Variants in AP1G1 observed in about 807,000 individuals in gnomAD.
AP1G1 encodes the protein AP-1 complex subunit gamma-1.
A neutral mutation model predicts 108.3 loss-of-function variants in AP1G1; 7 were observed. The ratio of observed to expected loss-of-function variants is 0.06; its 90% CI spans 0.04 to 0.12. The LOEUF (loss-of-function observed/expected upper bound fraction) is 0.12. AP1G1 is among the 10% of genes least tolerant of loss of function. AP1G1 has a pLI of 1.00. For synonymous variants in AP1G1, 379 were observed against 353.5 expected (o/e 1.07, Z -0.81); for missense variants, 756 against 1,010.7 (o/e 0.75, Z 3.42).
At chr16:71,761,861 T>C (rs1268235042) in intron 9 of AP1G1, among the ~76,000 whole-genome samples, 1 of 144,036 alleles carries the variant, frequency 6.9e-6, no homozygotes, top group Non-Finnish European at 1.5e-5. Flanking sequence ...AAAGGCAAAC[T>C]CTTAAAATCA....
chr16:71,778,941 GGAGTACTACTACTC>G (rs2031896434), intron 2 of AP1G1, among the ~76,000 whole-genome samples: 2 of 152,182 alleles, frequency 1.3e-5, no homozygotes. Flanking sequence ...ATATTTCAAT[GGAGTACTACTACTC>G]CACTTAAAGC....
chr16:71,769,684 G>A lies in AP1G1; in HGVS notation c.581C>T (p.Ser194Phe), dbSNP rs1325706581. Residue 194 changes from serine (S) to phenylalanine (F), a missense_variant, in exon 6 of 23, where the codon TCT becomes TTT. Ser to Phe is a radical substitution (Grantham distance 155, BLOSUM62 -2). Transcript: ENST00000299980. ...ACACATTTCTGTGAGGAGGACTACA[G>A]ATGTGTGGAGGACACCTGAAAGAAA... is the stretch of plus-strand genomic sequence containing the variant. ...NEKNHGVLHTSVVLLTEMCER... is the reference protein window; with the variant it reads ...NEKNHGVLHTFVVLLTEMCER... 2 of 1,613,340 alleles carry A rather than the reference G, an allele frequency of 1.2e-6. No individual in the cohort carries two copies. Among genetic ancestry groups the A allele is most frequent in the Admixed American group, 3.3e-5 (2 of 60,020 alleles).
chr16:71,745,310 T>C (rs955899558), intron 18 of AP1G1, 40 bp from the exon 19 acceptor site: 6 of 1,612,840 alleles, frequency 3.7e-6, no homozygotes, highest in Non-Finnish European at 5.1e-6. Flanking sequence ...TATTATTTGA[T>C]TTGTCTAGTA....
chr16:71,807,347 G>A (rs1036555875), intron 1 of AP1G1, among the ~76,000 whole-genome samples: 22 of 152,228 alleles, frequency 1.4e-4, no homozygotes, highest in African/African-American at 5.3e-4. Flanking sequence ...CAGGAGAACT[G>A]CTTGAACCCG....
chr16:71,750,413 GT>G lies in AP1G1; in HGVS notation c.1285-82del, dbSNP rs2030422605. Reference sequence around the variant, plus strand: ...GTGTTAGCTATTATTATTACTGTGTGTTTTTTCCTTTCTTTTTTTGAGACAG... The same window carrying G: ...GTGTTAGCTATTATTATTACTGTGTGTTTTTCCTTTCTTTTTTTGAGACAG... On this transcript the variant is annotated intron_variant, in intron 13 of 22. Coordinates refer to ENST00000299980, the MANE Select transcript of AP1G1 (RefSeq NM_001128.6). The G allele has an allele frequency of 1.9e-5, 30 of 1,538,912 alleles. No individual in the cohort carries two copies. The Admixed American group carries it at 3.6e-4, about 18-fold the overall frequency.
intron 21 of AP1G1, among the ~76,000 whole-genome samples, chr16:71,738,389 T>A (rs2045576641): frequency 1.3e-5 from 2 of 152,146 alleles, no homozygotes; most frequent in Non-Finnish European, 2.9e-5. Flanking sequence ...TAAATGAACA[T>A]AAATATCCTT....
rs754919461 is a variant in AP1G1, at chr16:71,732,017, A to G, written c.*1041T>C. 6.6e-6 allele frequency: 1 copy of G among 152,606 alleles called. No individual in the cohort carries two copies. The highest frequency in any genetic ancestry group is 1.5e-5 in the Non-Finnish European group (1 of 68,042). 9.5% of individuals were successfully genotyped at this position (152,606 alleles called of 1,614,324 possible). ...TAAAAAGGGAGGTTTGGAGTAATAG[A>G]TAAGATGACTCCAATACTCACTCTT... On this transcript the variant is annotated 3_prime_UTR_variant, in exon 23 of 23. Coordinates refer to ENST00000299980, the MANE Select transcript of AP1G1 (RefSeq NM_001128.6).
chr16:71,743,946 A>T, intron 19 of AP1G1, among the ~76,000 whole-genome samples: 1 of 44,042 alleles, frequency 2.3e-5, no homozygotes, highest in Admixed American at 2.8e-4. Context: ...ACTCTGTCTC[A>T]AAAAAAAAAA....
intron 10 of AP1G1, 71 bp downstream of exon 10, chr16:71,761,441 T>C: frequency 9.1e-7 from 1 of 1,095,476 alleles, no homozygotes; most frequent in Admixed American, 1.8e-5. Flanking sequence ...ATGTATGATC[T>C]TGAGCAGAAT....
intron 2 of AP1G1, among the ~76,000 whole-genome samples, chr16:71,779,065 C>A (rs564052097): frequency 6.6e-6 from 1 of 152,154 alleles, no homozygotes; most frequent in African/African-American, 2.4e-5. Context: ...AAATTCCACA[C>A]AATTAATGGA....
At chr16:71,741,716 A>T (rs1371856493) in intron 19 of AP1G1, among the ~76,000 whole-genome samples, 1 of 152,234 alleles carries the variant, frequency 6.6e-6, no homozygotes, top group East Asian at 1.9e-4. Context: ...AATGAAGCAG[A>T]CAAAGAAATA....
intron 4 of AP1G1, among the ~76,000 whole-genome samples, chr16:71,772,290 G>C (rs1395318905): frequency 6.6e-6 from 1 of 152,004 alleles, no homozygotes; most frequent in African/African-American, 2.4e-5. Flanking sequence ...ACCACGCCCG[G>C]CTAATTTTTT....
intron 6 of AP1G1, chr16:71,766,572 G>C: frequency 3.1e-6 from 1 of 324,216 alleles, no homozygotes; most frequent in South Asian, 2.5e-5. Context: ...AAGTTAAATA[G>C]TGTGCAAAGT....
At chr16:71,793,105 T>C (rs2032463244) in intron 1 of AP1G1, among the ~76,000 whole-genome samples, 1 of 152,022 alleles carries the variant, frequency 6.6e-6, no homozygotes, top group Non-Finnish European at 1.5e-5. Context: ...GGAGTGAGGC[T>C]GCAGTGAGCT....
intron 2 of AP1G1, among the ~76,000 whole-genome samples, chr16:71,785,656 G>A (rs552132676): frequency 2.6e-5 from 4 of 151,432 alleles, no homozygotes; most frequent in African/African-American, 7.3e-5. Context: ...AGGCCGAGGC[G>A]GGCAGATCAC....
At position 71,808,798 on chromosome 16, in the gene AP1G1, G is replaced by A. The variant is rs1187398775; in HGVS notation, c.-39C>T. On this transcript the variant is annotated 5_prime_UTR_variant, in exon 1 of 23. Coordinates refer to ENST00000299980, the MANE Select transcript of AP1G1 (RefSeq NM_001128.6). ...CCTCGAATGAAACCAGCAGCTCCGG[G>A]GGCGGCGGCAGCAGTGGCAGCAGGA... 3 of 1,289,716 alleles carry A rather than the reference G, an allele frequency of 2.3e-6. No homozygotes were observed. The highest frequency in any genetic ancestry group is 1.2e-5 in the South Asian group (1 of 81,014). 79.9% of individuals were successfully genotyped at this position (1,289,716 alleles called of 1,614,324 possible).
At chr16:71,752,686 T>G (rs1467151228) in intron 13 of AP1G1, among the ~76,000 whole-genome samples, 1 of 152,146 alleles carries the variant, frequency 6.6e-6, no homozygotes, top group Non-Finnish European at 1.5e-5. Context: ...AGGGTACAAT[T>G]TAAGGCTTTT....
At chr16:71,754,356 G>GGAAGGAAAGGA (rs2030666872) in intron 12 of AP1G1, among the ~76,000 whole-genome samples, 1 of 151,778 alleles carries the variant, frequency 6.6e-6, no homozygotes, top group Non-Finnish European at 1.5e-5. Flanking sequence ...AAGAAAGAAA[G>GGAAGGAAAGGA]AAAGGAAGGA....
At chr16:71,801,507 A>C (rs1368280975) in intron 1 of AP1G1, among the ~76,000 whole-genome samples, 1 of 152,212 alleles carries the variant, frequency 6.6e-6, no homozygotes, top group Non-Finnish European at 1.5e-5. Context: ...GGTTAAAATT[A>C]AGACTGTCAT....
Sources: allele counts gnomAD v4.1 joint callset (sites outside exome capture counted in the v4.1 genomes callset), GRCh38; gene constraint gnomAD v4.1.1; transcripts MANE v1.5; gene names NCBI Gene and HGNC (gene_info 2026-07-23, HGNC 2026-07-21).